CELF2: variants seen among roughly 807,000 people sequenced by gnomAD.
CELF2 encodes the protein CUGBP Elav-like family member 2, also known as CUG triplet repeat RNA-binding protein 2.
CELF2 carries 8 observed loss-of-function variants against 62.6 expected under a neutral mutation model. That is an observed-to-expected ratio of 0.13 (90% CI 0.07 to 0.23). The LOEUF is 0.23. CELF2 is among the 10% of genes least tolerant of loss of function. The probability of loss-of-function intolerance (pLI) is 1.00; values close to 1 mark genes in which losing one functional copy is unlikely to be tolerated. For synonymous variants in CELF2, 258 were observed against 250.0 expected (o/e 1.03, Z -0.30); for missense variants, 333 against 671.0 (o/e 0.50, Z 5.56).
the CELF2 span, among the ~76,000 whole-genome samples, chr10:10,657,180 A>C: frequency 2.6e-5 from 4 of 152,140 alleles, no homozygotes; most frequent in Non-Finnish European, 4.4e-5. Context: ...GCATATGTCC[A>C]TTTATTTGAA....
chr10:11,071,113 G>A (rs113088199), intron 1 of CELF2, among the ~76,000 whole-genome samples: 7 of 152,178 alleles, frequency 4.6e-5, no homozygotes, highest in African/African-American at 1.7e-4. Context: ...TTTATTTATC[G>A]AGGCTAATTC....
At chr10:11,154,259 G>C (rs1205834192) in intron 1 of CELF2, among the ~76,000 whole-genome samples, 1 of 152,192 alleles carries the variant, frequency 6.6e-6, no homozygotes, top group Non-Finnish European at 1.5e-5. Flanking sequence ...ATTTTAATTG[G>C]TGATTTAAGA....
the CELF2 span, among the ~76,000 whole-genome samples, chr10:10,477,579 T>C: frequency 6.6e-6 from 1 of 152,126 alleles, no homozygotes; most frequent in African/African-American, 2.4e-5. Context: ...GCTTTTTGAC[T>C]GAGCAGTTTT....
chr10:10,690,775 G>A, the CELF2 span, among the ~76,000 whole-genome samples: 1 of 152,156 alleles, frequency 6.6e-6, no homozygotes, highest in East Asian at 1.9e-4. Flanking sequence ...AGCTACTCAG[G>A]AGGCTGAGGC....
chr10:10,675,158 T>C, the CELF2 span, among the ~76,000 whole-genome samples: 2 of 152,230 alleles, frequency 1.3e-5, no homozygotes, highest in East Asian at 1.9e-4. Context: ...CTAATATCCC[T>C]TGCAAGACAG....
At chr10:11,050,505 T>C (rs561757615) in intron 1 of CELF2, among the ~76,000 whole-genome samples, 23 of 152,326 alleles carry the variant, frequency 1.5e-4, no homozygotes, top group Non-Finnish European at 2.8e-4. Context: ...TTGGTTCTGC[T>C]GGACTGTAGC....
intron 1 of CELF2, among the ~76,000 whole-genome samples, chr10:10,876,023 C>A (rs2061067182): frequency 6.6e-6 from 1 of 152,188 alleles, no homozygotes; most frequent in Admixed American, 6.5e-5. Context: ...CATCTGAAAG[C>A]CTTGCATATG....
At chr10:10,698,524 A>G in the CELF2 span, among the ~76,000 whole-genome samples, 1 of 152,202 alleles carries the variant, frequency 6.6e-6, no homozygotes, top group Non-Finnish European at 1.5e-5. Context: ...TTACATATCC[A>G]TTTGTTTTCA....
the CELF2 span, among the ~76,000 whole-genome samples, chr10:10,589,161 G>GACAA: frequency 6.6e-6 from 1 of 152,118 alleles, no homozygotes; most frequent in Non-Finnish European, 1.5e-5. Flanking sequence ...GGAAGTGGGG[G>GACAA]CTTCCAGGTC....
chr10:11,047,597 C>T (rs2063094203), intron 1 of CELF2, among the ~76,000 whole-genome samples: 2 of 152,068 alleles, frequency 1.3e-5, no homozygotes, highest in African/African-American at 4.8e-5. Context: ...CTAAAGAAGC[C>T]TCAGAGGTAT....
chr10:11,082,817 G>A (rs1287374960), intron 1 of CELF2, among the ~76,000 whole-genome samples: 2 of 152,202 alleles, frequency 1.3e-5, no homozygotes, highest in Non-Finnish European at 2.9e-5. Context: ...TTGACTTCAA[G>A]ATACCTCTTG....
intron 2 of CELF2, among the ~76,000 whole-genome samples, chr10:11,179,718 G>A (rs1407526156): frequency 6.6e-6 from 1 of 152,072 alleles, no homozygotes; most frequent in Non-Finnish European, 1.5e-5. Flanking sequence ...TGCCTGTGTT[G>A]GGGAGAGAGC....
chr10:11,249,176 A>G lies in CELF2; in HGVS notation c.378A>G (p.Lys126=), dbSNP rs368801669. ...AGATGCATCATCCCATTCAGATGAA[A>G]CCTGCAGATAGTGAAAAGTCCAACG... ...LPGMHHPIQM[K]PADSEKSNAV... Residue 126 remains lysine (K), a synonymous_variant, in exon 4 of 13, where the codon AAA becomes AAG. Transcript: ENST00000633077. 10 of 1,613,686 alleles carry G rather than the reference A, an allele frequency of 6.2e-6. No individual in the cohort carries two copies. In the African/African-American group the frequency reaches 1.3e-4, roughly 22 times the overall value.
At chr10:11,115,433 GA>G (rs2056338804) in intron 1 of CELF2, among the ~76,000 whole-genome samples, 1 of 152,142 alleles carries the variant, frequency 6.6e-6, no homozygotes, top group South Asian at 2.1e-4. Context: ...GTAGGGAAAA[GA>G]AAGGGCTTGC....
At chr10:10,665,500 C>T in the CELF2 span, among the ~76,000 whole-genome samples, 6 of 152,054 alleles carry the variant, frequency 3.9e-5, no homozygotes, top group East Asian at 1.9e-4. Flanking sequence ...TTCTCACGAC[C>T]GTGCAGGGTA....
the CELF2 span, among the ~76,000 whole-genome samples, chr10:10,667,691 T>G: frequency 6.6e-6 from 1 of 152,126 alleles, no homozygotes; most frequent in African/African-American, 2.4e-5. Context: ...GGTGCCTCTC[T>G]GCGCACACAA....
At chr10:10,617,712 G>C in the CELF2 span, among the ~76,000 whole-genome samples, 5 of 152,124 alleles carry the variant, frequency 3.3e-5, no homozygotes, top group South Asian at 2.1e-4. Flanking sequence ...TTTGTAAAGG[G>C]GGGGGAAATA....
chr10:11,173,574 CATAATTAGT>C (rs1234101045), intron 2 of CELF2, among the ~76,000 whole-genome samples: 1 of 152,188 alleles, frequency 6.6e-6, no homozygotes, highest in Non-Finnish European at 1.5e-5. Flanking sequence ...ACACCACTAG[CATAATTAGT>C]ACTGCTTTTT....
intron 2 of CELF2, among the ~76,000 whole-genome samples, chr10:10,985,603 G>A (rs1277134576): frequency 6.6e-6 from 1 of 152,198 alleles, no homozygotes; most frequent in Non-Finnish European, 1.5e-5. Flanking sequence ...TGCTGCCTGT[G>A]GAAGGCTGGT....
Sources: gnomAD v4.1 joint callset for allele counts (sites outside exome capture counted in the v4.1 genomes callset) on GRCh38, gnomAD v4.1.1 for gene constraint, MANE v1.5 for transcripts, NCBI Gene and HGNC (gene_info 2026-07-23, HGNC 2026-07-21) for gene names.